Variants in NRXN1 observed in about 807,000 individuals in gnomAD.
The protein encoded by NRXN1 is neurexin 1.
A neutral mutation model predicts 150.9 loss-of-function variants in NRXN1; 39 were observed. The observed-to-expected ratio is 0.26, with a 90% confidence interval of 0.20 to 0.34. The LOEUF (loss-of-function observed/expected upper bound fraction) is 0.34. Ranked by LOEUF, NRXN1 falls within the 10% of genes least tolerant of loss-of-function variation. The pLI is 1.00. For synonymous variants in NRXN1, 924 were observed against 757.0 expected (o/e 1.22, Z -3.62); for missense variants, 1,815 against 1,949.9 (o/e 0.93, Z 1.30).
At position 51,027,775 on chromosome 2, in the gene NRXN1, G is replaced by C. The variant is rs753449110; in HGVS notation, c.499C>G (p.Leu167Val). The C allele has an allele frequency of 6.2e-7, 1 of 1,612,468 alleles. No individual in the cohort carries two copies. The highest frequency in any genetic ancestry group is 8.5e-7 in the Non-Finnish European group (1 of 1,179,390). The change falls in exon 2 of 23, where the codon CTC becomes GTC. Residue 167 changes from leucine (L) to valine (V), a missense_variant. Transcript: ENST00000401669. ...GLPPELRAAALKLTLASVRER... is the reference protein window; with the variant it reads ...GLPPELRAAAVKLTLASVRER... ...CTCACCGAGGCCAGGGTGAGCTTGA[G>C]CGCCGCGGCGCGCAGTTCCGGGGGC...
At chr2:50,625,559 CTCGGAAAGT>C (rs1269020521) in intron 5 of NRXN1, among the ~76,000 whole-genome samples, 3 of 152,004 alleles carry the variant, frequency 2.0e-5, no homozygotes, top group Non-Finnish European at 2.9e-5. Context: ...TAATTCCTGT[CTCGGAAAGT>C]TATAGTCCAG....
intron 5 of NRXN1, among the ~76,000 whole-genome samples, chr2:50,732,287 G>C (rs955512684): frequency 6.6e-6 from 1 of 152,040 alleles, no homozygotes; most frequent in Admixed American, 6.5e-5. Context: ...TGAAGGGAGA[G>C]AAAATAAATT....
chr2:50,580,392 A>C (rs1430783797), intron 8 of NRXN1, among the ~76,000 whole-genome samples: 2 of 152,226 alleles, frequency 1.3e-5, no homozygotes, highest in African/African-American at 4.8e-5. Flanking sequence ...AAATCATTTA[A>C]AAATGATCAG....
chr2:50,233,078 A>T (rs1340453718), intron 18 of NRXN1, among the ~76,000 whole-genome samples: 4 of 145,054 alleles, frequency 2.8e-5, no homozygotes, highest in Non-Finnish European at 6.1e-5. Context: ...AAATAATTGA[A>T]GATCTACACT....
intron 8 of NRXN1, among the ~76,000 whole-genome samples, chr2:50,583,333 C>T (rs544620087): frequency 1.3e-5 from 2 of 152,286 alleles, no homozygotes; most frequent in African/African-American, 4.8e-5. Flanking sequence ...TGAGCCACCA[C>T]ACCTAGCGCC....
At chr2:50,610,669 A>ATC (rs1559015732) in intron 8 of NRXN1, among the ~76,000 whole-genome samples, 8 of 128,760 alleles carry the variant, frequency 6.2e-5, no homozygotes, top group African/African-American at 2.3e-4. Flanking sequence ...ATATATATAT[A>ATC]TATATATATC....
intron 5 of NRXN1, among the ~76,000 whole-genome samples, chr2:50,741,229 A>C (rs1006644374): frequency 1.3e-5 from 2 of 152,172 alleles, no homozygotes; most frequent in Admixed American, 1.3e-4. Context: ...TCCTCCTGCC[A>C]AATAATAAAT....
At chr2:50,625,820 A>C (rs1055717128) in intron 5 of NRXN1, among the ~76,000 whole-genome samples, 1 of 152,090 alleles carries the variant, frequency 6.6e-6, no homozygotes, top group Non-Finnish European at 1.5e-5. Context: ...GTCTGTGCAG[A>C]CATCTGGTAA....
chr2:49,934,843 T>TA (rs1369411160), intron 22 of NRXN1, among the ~76,000 whole-genome samples: 1 of 152,094 alleles, frequency 6.6e-6, no homozygotes, highest in African/African-American at 2.4e-5. Context: ...CCTCCAAAAA[T>TA]AAAGTAAGAA....
intron 17 of NRXN1, among the ~76,000 whole-genome samples, chr2:50,330,651 C>G (rs1420303190): frequency 2.6e-5 from 4 of 152,100 alleles, no homozygotes; most frequent in African/African-American, 7.2e-5. Flanking sequence ...TATGGCTGCT[C>G]TCAGTGCAAG....
intron 2 of NRXN1, among the ~76,000 whole-genome samples, chr2:51,021,166 TATAAAA>T (rs1277283701): frequency 3.9e-5 from 6 of 152,098 alleles, no homozygotes; most frequent in African/African-American, 1.2e-4. Context: ...CTTTAAAAAA[TATAAAA>T]ATAATTTATT....
At chr2:50,070,443 C>T (rs1350759920) in intron 19 of NRXN1, among the ~76,000 whole-genome samples, 5 of 152,050 alleles carry the variant, frequency 3.3e-5, no homozygotes, top group Non-Finnish European at 7.4e-5. Flanking sequence ...ATGAGAGTTC[C>T]TTTCCAATCA....
chr2:50,159,148 G>T (rs2059213642), intron 18 of NRXN1, among the ~76,000 whole-genome samples: 1 of 151,952 alleles, frequency 6.6e-6, no homozygotes, highest in Admixed American at 6.6e-5. Flanking sequence ...ATAGCAAGAG[G>T]GCCAGATTTG....
intron 21 of NRXN1, among the ~76,000 whole-genome samples, chr2:49,975,383 G>GA (rs1303891044): frequency 2.0e-5 from 3 of 151,702 alleles, no homozygotes; most frequent in Admixed American, 2.0e-4. Context: ...ACACTATTTA[G>GA]AAAAAAAGTG....
At chr2:50,476,716 T>C (rs764786800) in intron 15 of NRXN1, among the ~76,000 whole-genome samples, 1 of 152,156 alleles carries the variant, frequency 6.6e-6, no homozygotes, top group African/African-American at 2.4e-5. Flanking sequence ...ATGATATTTT[T>C]TCTATTGGAT....
At position 50,027,402 on chromosome 2, in the gene NRXN1, C is replaced by T. The variant is rs540440049; in HGVS notation, c.4128+25869G>A. 4.7e-5 allele frequency among the ~76,000 whole-genome samples: 7 copies of T among 149,302 alleles called. No homozygotes were observed. The East Asian group carries it at 1.2e-3, about 26-fold the overall frequency. On this transcript the variant is annotated intron_variant, in intron 21 of 22. Coordinates refer to ENST00000401669, the MANE Select transcript of NRXN1 (RefSeq NM_001330078.2). ...CCTTCCTCCCTCCCTTCCTTCCTTC[C>T]TCCCTCCCTCCCTCTCTCCCTTCCT...
intron 17 of NRXN1, among the ~76,000 whole-genome samples, chr2:50,240,128 T>C (rs2065879824): frequency 6.6e-6 from 1 of 151,656 alleles, no homozygotes; most frequent in African/African-American, 2.4e-5. Context: ...AATCTAAAAC[T>C]TGATGACTAG....
intron 17 of NRXN1, among the ~76,000 whole-genome samples, chr2:50,281,259 G>C (rs988392839): frequency 4.0e-5 from 6 of 151,862 alleles, no homozygotes; most frequent in African/African-American, 1.5e-4. Context: ...GGAGCTTGCA[G>C]TGAGCCGAGA....
At chr2:50,984,001 T>C (rs1324327170) in intron 2 of NRXN1, among the ~76,000 whole-genome samples, 1 of 151,958 alleles carries the variant, frequency 6.6e-6, no homozygotes, top group East Asian at 1.9e-4. Context: ...AGAGTCTTAC[T>C]CTATTGCCCA....
Sources: allele counts gnomAD v4.1 joint callset (sites outside exome capture counted in the v4.1 genomes callset), GRCh38; gene constraint gnomAD v4.1.1; transcripts MANE v1.5; gene names NCBI Gene and HGNC (gene_info 2026-07-23, HGNC 2026-07-21).